The following TMTC2 variants were observed in gnomAD, a reference collection of about 807,000 sequenced individuals.
TMTC2 encodes the protein protein O-mannosyl-transferase TMTC2.
In TMTC2, 43 loss-of-function variants were observed where a neutral mutation model predicts 82.4. The ratio of observed to expected loss-of-function variants is 0.52; its 90% CI spans 0.41 to 0.67. The LOEUF is 0.67. Ranked by LOEUF, TMTC2 falls within the 30% of genes least tolerant of loss-of-function variation. The pLI is 0.00. For missense variants in TMTC2, 919 were observed against 1,012.4 expected (o/e 0.91, Z 1.25); for synonymous variants, 408 against 381.9 (o/e 1.07, Z -0.80).
intron 4 of TMTC2, among the ~76,000 whole-genome samples, chr12:82,952,089 CTT>C (rs1877381242): frequency 6.6e-6 from 1 of 152,116 alleles, no homozygotes; most frequent in South Asian, 2.1e-4. Context: ...GATTCAATAA[CTT>C]ATATCTCACT....
chr12:82,867,333 G>T (rs1871918993), intron 2 of TMTC2, among the ~76,000 whole-genome samples: 1 of 152,164 alleles, frequency 6.6e-6, no homozygotes, highest in East Asian at 1.9e-4. Flanking sequence ...ATAAAATGCA[G>T]AGATCATAGT....
intron 2 of TMTC2, among the ~76,000 whole-genome samples, chr12:82,879,765 G>T (rs1872739114): frequency 6.6e-6 from 1 of 152,140 alleles, no homozygotes. Context: ...TGATGTTTTA[G>T]AAAGGGCTAC....
At chr12:82,708,478 G>A (rs144334485) in intron 1 of TMTC2, among the ~76,000 whole-genome samples, 4 of 152,322 alleles carry the variant, frequency 2.6e-5, no homozygotes, top group African/African-American at 7.2e-5. Context: ...CTAGCAGTAA[G>A]TGACTAGATG....
chr12:82,909,401 G>A (rs754651830), intron 3 of TMTC2, among the ~76,000 whole-genome samples: 2 of 152,040 alleles, frequency 1.3e-5, no homozygotes, highest in Non-Finnish European at 2.9e-5. Context: ...GTATAGTGGT[G>A]CGATCTCGGA....
At chr12:82,886,487 T>C (rs906037884) in intron 2 of TMTC2, among the ~76,000 whole-genome samples, 1 of 152,194 alleles carries the variant, frequency 6.6e-6, no homozygotes, top group African/African-American at 2.4e-5. Context: ...GGAAACATGA[T>C]GGTGTACTAT....
At chr12:82,793,513 T>G (rs951563935) in intron 1 of TMTC2, among the ~76,000 whole-genome samples, 7 of 152,150 alleles carry the variant, frequency 4.6e-5, no homozygotes, top group Non-Finnish European at 8.8e-5. Context: ...AATATTTCCC[T>G]AATATTTTAT....
chr12:82,977,731 C>T (rs1194831297), intron 7 of TMTC2, among the ~76,000 whole-genome samples: 2 of 151,638 alleles, frequency 1.3e-5, no homozygotes, highest in African/African-American at 4.8e-5. Context: ...AATTCTCCTT[C>T]TATACATTTA....
intron 1 of TMTC2, among the ~76,000 whole-genome samples, chr12:82,726,115 T>A (rs552655235): frequency 1.3e-5 from 2 of 152,214 alleles, no homozygotes; most frequent in African/African-American, 4.8e-5. Context: ...TAAAATATTT[T>A]GATTTTTTCT....
intron 1 of TMTC2, among the ~76,000 whole-genome samples, chr12:82,833,228 G>C (rs930253135): frequency 3.9e-5 from 6 of 152,050 alleles, no homozygotes; most frequent in Non-Finnish European, 8.8e-5. Flanking sequence ...TTTTACCGTA[G>C]CATAATAAAC....
intron 1 of TMTC2, among the ~76,000 whole-genome samples, chr12:82,829,718 C>A (rs1013161031): frequency 2.0e-5 from 3 of 152,214 alleles, no homozygotes; most frequent in Non-Finnish European, 1.5e-5. Flanking sequence ...GTGATAGGTG[C>A]TATAAGGGTA....
At chr12:83,128,237 C>A (rs1269504291) in intron 11 of TMTC2, among the ~76,000 whole-genome samples, 2 of 152,092 alleles carry the variant, frequency 1.3e-5, no homozygotes, top group African/African-American at 2.4e-5. Flanking sequence ...AGCAAGGACA[C>A]CAGTATGTAA....
chr12:82,821,947 T>A (rs1010929699), intron 1 of TMTC2, among the ~76,000 whole-genome samples: 1 of 150,848 alleles, frequency 6.6e-6, no homozygotes, highest in Non-Finnish European at 1.5e-5. Flanking sequence ...TGCAAGCTAC[T>A]GTAAAAAGCA....
chr12:82,726,697 G>A (rs1330342065), intron 1 of TMTC2, among the ~76,000 whole-genome samples: 20 of 151,902 alleles, frequency 1.3e-4, no homozygotes, highest in African/African-American at 4.1e-4. Context: ...TGGCTAACAC[G>A]GTGAAACCCT....
intron 1 of TMTC2, among the ~76,000 whole-genome samples, chr12:82,775,099 GA>G (rs1324852061): frequency 6.6e-6 from 1 of 151,908 alleles, no homozygotes; most frequent in African/African-American, 2.4e-5. Flanking sequence ...TAACCACAAT[GA>G]AAAAAATTAA....
chr12:83,126,622 G>C (rs547963332), intron 11 of TMTC2, among the ~76,000 whole-genome samples: 1 of 151,982 alleles, frequency 6.6e-6, no homozygotes, highest in South Asian at 2.1e-4. Flanking sequence ...ATTGAAGAGC[G>C]ATTTGGTTGT....
intron 1 of TMTC2, among the ~76,000 whole-genome samples, chr12:82,779,018 C>A (rs58129519): frequency 0.12 from 17,066 of 139,812 alleles, 1,060 homozygotes; most frequent in Middle Eastern, 0.22. Flanking sequence ...ACCTGGGCGA[C>A]AGAGCGAGAC....
chr12:82,734,789 T>G (rs1184387547), intron 1 of TMTC2, among the ~76,000 whole-genome samples: 1 of 152,210 alleles, frequency 6.6e-6, no homozygotes, highest in Non-Finnish European at 1.5e-5. Flanking sequence ...TCTTTGTTAT[T>G]ATTATCCAAC....
At chr12:82,776,358 G>T (rs557584887) in intron 1 of TMTC2, among the ~76,000 whole-genome samples, 1 of 152,202 alleles carries the variant, frequency 6.6e-6, no homozygotes, top group East Asian at 1.9e-4. Context: ...CAAACATCCT[G>T]TGTCCACTCT....
chr12:82,791,560 C>T (rs1032042550), intron 1 of TMTC2, among the ~76,000 whole-genome samples: 74 of 152,106 alleles, frequency 4.9e-4, no homozygotes, highest in African/African-American at 1.8e-3. Flanking sequence ...TTTAGTAACT[C>T]CACTGCAAGA....
Sources: allele counts gnomAD v4.1 joint callset (sites outside exome capture counted in the v4.1 genomes callset), GRCh38; gene constraint gnomAD v4.1.1; transcripts MANE v1.5; gene names NCBI Gene and HGNC (gene_info 2026-07-23, HGNC 2026-07-21).